CABIN1: variants seen among roughly 807,000 people sequenced by gnomAD.
CABIN1 encodes calcineurin-binding protein cabin-1.
CABIN1 carries 133 observed loss-of-function variants against 227.7 expected under a neutral mutation model. The observed-to-expected ratio is 0.58, with a 90% confidence interval of 0.51 to 0.67. CABIN1 has a LOEUF of 0.67. Among genes scored for constraint, CABIN1 ranks in the 30% least tolerant of loss-of-function variants. CABIN1 has a pLI of 0.00. For synonymous variants in CABIN1, 1,086 were observed against 1,155.1 expected (o/e 0.94, Z 1.21); for missense variants, 2,408 against 2,852.5 (o/e 0.84, Z 3.55).
chr22:24,177,523 G>A lies in CABIN1; in HGVS notation c.6225G>A (p.Glu2075=), dbSNP rs2047183636. 4 of 1,542,876 alleles carry A rather than the reference G, an allele frequency of 2.6e-6. No homozygotes were observed. Among genetic ancestry groups the A allele is most frequent in the Non-Finnish European group, 3.5e-6 (4 of 1,142,666 alleles). ...TCSQEGKLRP[E]PRRDGEAQEA... ...TTCCAGAGGGGAAACTGAGGCCTGA[G>A]CCGAGAAGGGATGGGGAGGCTCAGG... Residue 2075 remains glutamate (E), a synonymous_variant, in exon 36 of 37, where the codon GAG becomes GAA. Transcript: ENST00000263119. The surrounding 1 kb of genome is among the most constrained non-coding windows in gnomAD (Gnocchi z 4.4).
intron 1 of CABIN1, among the ~76,000 whole-genome samples, chr22:24,031,904 A>C (rs972659968): frequency 2.0e-5 from 3 of 152,202 alleles, no homozygotes; most frequent in African/African-American, 7.2e-5. Flanking sequence ...ATGTCTTTGT[A>C]TTTTGAAAAC....
Position 24,167,222 on chromosome 22 carries a change from A to C in CABIN1, c.5591A>C (p.Tyr1864Ser), listed in dbSNP as rs1421584682. 2 of 1,613,094 alleles carry C rather than the reference A, an allele frequency of 1.2e-6. No homozygotes were observed. Among genetic ancestry groups the C allele is most frequent in the East Asian group, 4.5e-5 (2 of 44,894 alleles). Reference sequence around the variant, plus strand: ...GGCAAGACACTTCTGTTGGATGCCTACCGTGTGTGGCAGCAGGGCCAGAAG... The same window carrying C: ...GGCAAGACACTTCTGTTGGATGCCTCCCGTGTGTGGCAGCAGGGCCAGAAG... ...ESGKTLLLDA[Y>S]RVWQQGQKGV... Residue 1864 changes from tyrosine (Y) to serine (S), a missense_variant, in exon 32 of 37, where the codon TAC becomes TCC. Coordinates refer to ENST00000263119, the MANE Select transcript of CABIN1 (RefSeq NM_012295.4).
At chr22:24,126,055 A>G (rs1242926526) in intron 28 of CABIN1, among the ~76,000 whole-genome samples, 1 of 152,204 alleles carries the variant, frequency 6.6e-6, no homozygotes, top group Non-Finnish European at 1.5e-5. Context: ...CTTGGAAAAG[A>G]GAATGAAACT....
intron 1 of CABIN1, among the ~76,000 whole-genome samples, chr22:24,016,011 T>TA (rs1216376193): frequency 6.6e-6 from 1 of 152,168 alleles, no homozygotes; most frequent in African/African-American, 2.4e-5. Flanking sequence ...TTACATACCT[T>TA]ACAATTGACC....
In CABIN1 at chr22:24,030,943, C is replaced by T. The variant is rs549090375; in HGVS notation, c.-74-4501C>T. Among the ~76,000 whole-genome samples the T allele has an allele frequency of 4.6e-5, 7 of 152,320 alleles. No individual in the cohort carries two copies. In the South Asian group the frequency reaches 1.5e-3, roughly 32 times the overall value. On this transcript the variant is annotated intron_variant, in intron 1 of 36. Transcript: ENST00000263119. ...TGCCCCAGAGGAAGGCACAGGCACACCTGGCACCATTCTGGTAGTGGTTGG... is the reference window on the plus strand; with the variant it reads ...TGCCCCAGAGGAAGGCACAGGCACATCTGGCACCATTCTGGTAGTGGTTGG...
intron 19 of CABIN1, among the ~76,000 whole-genome samples, chr22:24,077,818 T>C (rs1164548492): frequency 2.0e-5 from 3 of 152,162 alleles, no homozygotes; most frequent in Non-Finnish European, 4.4e-5. Flanking sequence ...GGAGTGGTGC[T>C]AAGAGTGAAG....
At chr22:24,155,776 C>T (rs1602390004) in intron 29 of CABIN1, 1 of 388,600 alleles carries the variant, frequency 2.6e-6, no homozygotes, top group East Asian at 4.0e-5. Flanking sequence ...TGCCGCACTC[C>T]TGGCCACCCC....
At position 24,164,428 on chromosome 22, in the gene CABIN1, T is replaced by A; in HGVS notation, c.4775T>A (p.Ile1592Asn). Residue 1592 changes from isoleucine (I) to asparagine (N), a missense_variant, in exon 30 of 37, where the codon ATT becomes AAT. Coordinates refer to ENST00000263119, the MANE Select transcript of CABIN1 (RefSeq NM_012295.4). The stretch of plus-strand genomic sequence containing the variant: ...ATCTGGCGGATCCCCGTGGACGAGA[T>A]TGACCGGCCGGGCAGCTTTGCCTGG... ...NGIWRIPVDE[I>N]DRPGSFAWHM... 6.2e-7 allele frequency: 1 copy of A among 1,604,998 alleles called. No homozygotes were observed.
rs2146529157 is a variant in CABIN1, at chr22:24,019,566, T to C, written c.-75+8199T>C. ...CACCATGCCCCGCCTGCTGAGTTAT[T>C]ATTGAATAAATTTTATCATTGATTT... On this transcript the variant is annotated intron_variant, in intron 1 of 36. Transcript: ENST00000263119. Among the ~76,000 whole-genome samples the C allele has an allele frequency of 2.0e-5, 3 of 152,104 alleles. No homozygotes were observed. In the South Asian group the frequency reaches 6.2e-4, roughly 32 times the overall value.
rs536171214 is a variant in CABIN1 at position 24,081,502 on chromosome 22, C to T, written c.2749-1726C>T. ...TCATTGCTAAAATAGTTTGTGCTTTCTCCCCCCACCTTTTAAAAACCAGTC... is the reference window on the plus strand; with the variant it reads ...TCATTGCTAAAATAGTTTGTGCTTTTTCCCCCCACCTTTTAAAAACCAGTC... On this transcript the variant is annotated intron_variant, in intron 19 of 36. Transcript: ENST00000263119. Among the ~76,000 whole-genome samples, 101 of 152,202 alleles carry T rather than the reference C, an allele frequency of 6.6e-4. 1 individual carries two copies. The highest frequency in any genetic ancestry group is 2.3e-3 in the African/African-American group (94 of 41,538).
chr22:24,039,507 G>A (rs1400921573), intron 4 of CABIN1, among the ~76,000 whole-genome samples: 1 of 152,186 alleles, frequency 6.6e-6, no homozygotes, highest in Non-Finnish European at 1.5e-5. Flanking sequence ...CCTGTTAGTA[G>A]GAAGTGGGTG....
intron 1 of CABIN1, among the ~76,000 whole-genome samples, chr22:24,032,976 G>T (rs1295642375): frequency 6.6e-6 from 1 of 152,186 alleles, no homozygotes; most frequent in Non-Finnish European, 1.5e-5. Flanking sequence ...TACTCAGGAG[G>T]CTGAGGCAGG....
chr22:24,124,020 C>T (rs950288319), intron 28 of CABIN1, among the ~76,000 whole-genome samples: 5 of 152,214 alleles, frequency 3.3e-5, no homozygotes, highest in African/African-American at 9.6e-5. Context: ...GGAAAGAAAC[C>T]GCCTTCAGGG....
intron 1 of CABIN1, among the ~76,000 whole-genome samples, chr22:24,023,457 A>G (rs547793780): frequency 6.6e-6 from 1 of 152,192 alleles, no homozygotes; most frequent in African/African-American, 2.4e-5. Flanking sequence ...AGGAACTACT[A>G]AACTGTTTTC....
chr22:24,133,682 G>T (rs2044214023), intron 28 of CABIN1, among the ~76,000 whole-genome samples: 1 of 152,222 alleles, frequency 6.6e-6, no homozygotes, highest in South Asian at 2.1e-4. Context: ...GAAGACCAGA[G>T]AGGGAGGAGT....
intron 1 of CABIN1, among the ~76,000 whole-genome samples, chr22:24,034,185 T>TA (rs1360444111): frequency 6.6e-6 from 1 of 152,238 alleles, no homozygotes; most frequent in African/African-American, 2.4e-5. Context: ...GTTCAGGCAG[T>TA]AATGCTTGCT....
intron 1 of CABIN1, among the ~76,000 whole-genome samples, chr22:24,028,367 T>C (rs1233923131): frequency 6.6e-6 from 1 of 152,188 alleles, no homozygotes; most frequent in Non-Finnish European, 1.5e-5. Flanking sequence ...TCAGCTGAGA[T>C]GAGAATGCTC....
chr22:24,064,245 G>A lies in CABIN1; in HGVS notation c.2037+58G>A, dbSNP rs536264338. 3.8e-4 allele frequency: 596 copies of A among 1,585,358 alleles called. 1 individual carries two copies. The highest frequency in any genetic ancestry group is 4.7e-4 in the Non-Finnish European group (546 of 1,157,312). On this transcript the variant is annotated intron_variant, in intron 15 of 36. Coordinates refer to ENST00000263119, the MANE Select transcript of CABIN1 (RefSeq NM_012295.4). Reference sequence around the variant, plus strand: ...CCTGAGATGGAGTTTCACTTTTGTCGCCTAGGCTGGAGTGTAATAGTGCAA... The same window carrying A: ...CCTGAGATGGAGTTTCACTTTTGTCACCTAGGCTGGAGTGTAATAGTGCAA...
chr22:24,145,605 C>G (rs940976700), intron 29 of CABIN1, among the ~76,000 whole-genome samples: 5 of 152,170 alleles, frequency 3.3e-5, no homozygotes, highest in Non-Finnish European at 7.3e-5. Flanking sequence ...CTCTGATGCT[C>G]AGATCTGTCG....
Sources: gnomAD v4.1 joint callset for allele counts (sites outside exome capture counted in the v4.1 genomes callset) on GRCh38, gnomAD v4.1.1 for gene constraint, Gnocchi (gnomAD v3.1) non-coding constraint, MANE v1.5 for transcripts, NCBI Gene and HGNC (gene_info 2026-07-23, HGNC 2026-07-21) for gene names.